The following IGDCC3 variants were observed in gnomAD, a reference collection of about 807,000 sequenced individuals.
IGDCC3 encodes the protein putative neuronal cell adhesion molecule.
IGDCC3 carries 47 observed loss-of-function variants against 72.0 expected under a neutral mutation model. The observed-to-expected ratio is 0.65, with a 90% CI of 0.52 to 0.83. The LOEUF (loss-of-function observed/expected upper bound fraction) is 0.83. Among genes scored for constraint, IGDCC3 ranks in the 40% least tolerant of loss-of-function variants. The pLI, the probability that IGDCC3 is intolerant of heterozygous loss-of-function variation, is 0.00. For missense variants in IGDCC3, 1,038 were observed against 1,091.3 expected, an observed-to-expected ratio of 0.95 and a Z score of 0.69; for synonymous variants, 477 against 472.8, an observed-to-expected ratio of 1.01 and a Z score of -0.11.
Position 65,329,417 on chromosome 15 carries a change from T to C in IGDCC3, c.2178A>G (p.Ala726=). 6.3e-7 allele frequency: 1 copy of C among 1,596,990 alleles called. No homozygotes were observed. Among genetic ancestry groups the C allele is most frequent in the East Asian group, 2.2e-5 (1 of 44,760 alleles). ...ELEQLFPPAS[A]AGQPDPRPTQ... is the part of the protein sequence containing the mutation. ...TGGGTCTGGGGTCCGGCTGCCCTGC[T>C]GCGCTGGCCGGGGGGAACAGCTGCT... The change falls in exon 13 of 14, where the codon GCA becomes GCG. Residue 726 remains alanine (A), a synonymous_variant. Transcript: ENST00000327987. This position sits in a 1 kb window ranked among gnomAD's most constrained non-coding sequence, Gnocchi z 4.1.
intron 2 of IGDCC3, among the ~76,000 whole-genome samples, chr15:65,374,549 T>C (rs574249890): frequency 5.4e-4 from 82 of 152,300 alleles, no homozygotes; most frequent in South Asian, 2.1e-3. Flanking sequence ...GATGTCATCA[T>C]TGAGATAATT....
intron 2 of IGDCC3, among the ~76,000 whole-genome samples, chr15:65,352,387 T>G (rs950618510): frequency 6.6e-6 from 1 of 152,248 alleles, no homozygotes; most frequent in Non-Finnish European, 1.5e-5. Context: ...TTGGAGAAAC[T>G]GATTATTTTA....
At chr15:65,373,191 C>A (rs1251744122) in intron 2 of IGDCC3, among the ~76,000 whole-genome samples, 1 of 152,200 alleles carries the variant, frequency 6.6e-6, no homozygotes, top group Non-Finnish European at 1.5e-5. Context: ...CAGCAGGGGC[C>A]ATCTATATCT....
chr15:65,359,400 C>A (rs1038751297), intron 2 of IGDCC3, among the ~76,000 whole-genome samples: 2 of 152,104 alleles, frequency 1.3e-5, no homozygotes, highest in African/African-American at 4.8e-5. Context: ...TAGCATGGAG[C>A]CTGGCCTGTG....
chr15:65,351,007 CTAAAGTGT>C (rs2091169241), intron 2 of IGDCC3, among the ~76,000 whole-genome samples: 1 of 151,818 alleles, frequency 6.6e-6, no homozygotes, highest in African/African-American at 2.4e-5. Flanking sequence ...TTTTTTCTGC[CTAAAGTGT>C]TAAAGGATTG....
intron 2 of IGDCC3, among the ~76,000 whole-genome samples, chr15:65,370,610 A>C: frequency 1.1e-5 from 1 of 91,582 alleles, no homozygotes; most frequent in Non-Finnish European, 2.1e-5. Context: ...ATGTGTATAT[A>C]TATGTATGTG....
intron 2 of IGDCC3, among the ~76,000 whole-genome samples, chr15:65,336,631 A>T (rs2091031577): frequency 6.6e-6 from 1 of 151,914 alleles, no homozygotes; most frequent in African/African-American, 2.4e-5. Flanking sequence ...AGACTGTCAG[A>T]CCTACCAATC....
intron 5 of IGDCC3, 141 bp from the exon 6 acceptor site, chr15:65,333,556 G>A: frequency 1.3e-6 from 1 of 752,224 alleles, no homozygotes; most frequent in Non-Finnish European, 2.1e-6. Context: ...TTCCCTCCTA[G>A]GCACCTTAAC....
At chr15:65,344,589 TC>T (rs1213699392) in intron 2 of IGDCC3, among the ~76,000 whole-genome samples, 2 of 152,114 alleles carry the variant, frequency 1.3e-5, no homozygotes, top group African/African-American at 4.8e-5. Context: ...TAGCTGTTGG[TC>T]CCCTGGCTGG....
intron 2 of IGDCC3, among the ~76,000 whole-genome samples, chr15:65,369,768 G>A (rs1476903425): frequency 6.6e-6 from 1 of 151,952 alleles, no homozygotes; most frequent in Non-Finnish European, 1.5e-5. Context: ...ACTGTGCCAG[G>A]AACTACCTCC....
intron 2 of IGDCC3, among the ~76,000 whole-genome samples, chr15:65,368,278 C>T (rs1237753144): frequency 6.6e-6 from 1 of 151,742 alleles, no homozygotes; most frequent in Non-Finnish European, 1.5e-5. Flanking sequence ...AGTCCTTTCT[C>T]CCTGGGGGTG....
intron 2 of IGDCC3, among the ~76,000 whole-genome samples, chr15:65,362,602 G>A (rs1401357038): frequency 6.6e-6 from 1 of 152,128 alleles, no homozygotes; most frequent in Non-Finnish European, 1.5e-5. Flanking sequence ...CTCCAGAAAT[G>A]CCTGGGCCTT....
In IGDCC3 at chr15:65,329,969, G is replaced by T. The variant is rs911904997; in HGVS notation, c.1859-105C>A. ...TTCCTTCAGCTGCTCCCACTCCCAA[G>T]TGGGAGTGGGAACATCCTTTGACTT... On this transcript the variant is annotated intron_variant, in intron 11 of 13. Transcript: ENST00000327987. The surrounding 1 kb of genome is among the most constrained non-coding windows in gnomAD (Gnocchi z 4.1). 14 of 1,206,078 alleles carry T rather than the reference G, an allele frequency of 1.2e-5. No homozygotes were observed. The highest frequency in any genetic ancestry group is 7.6e-5 in the African/African-American group (5 of 66,220). 74.7% of individuals were successfully genotyped at this position (1,206,078 alleles called of 1,614,324 possible).
At position 65,335,876 on chromosome 15, in the gene IGDCC3, C is replaced by T; in HGVS notation, c.490G>A (p.Gly164Arg). 1.2e-6 allele frequency: 2 copies of T among 1,614,206 alleles called. No individual in the cohort carries two copies. Among genetic ancestry groups the T allele is most frequent in the Non-Finnish European group, 1.7e-6 (2 of 1,180,024 alleles). The change falls in exon 3 of 14, where the codon GGG (glycine) becomes AGG (arginine). Residue 164 changes from glycine to arginine, a missense_variant. Physicochemically the swap from Gly to Arg is moderately radical, Grantham distance 125 (BLOSUM62 -2). Coordinates refer to ENST00000327987, the MANE Select transcript of IGDCC3 (RefSeq NM_004884.4). ...GVARFQCQIHGLPKPLITWEK... is the reference protein window; with the variant it reads ...GVARFQCQIHRLPKPLITWEK... Reference sequence around the variant, plus strand: ...CAAGTGATCAGGGGTTTGGGAAGCCCATGGATTTGGCACTGGAAGCGGGCC... The same window carrying T: ...CAAGTGATCAGGGGTTTGGGAAGCCTATGGATTTGGCACTGGAAGCGGGCC...
At chr15:65,335,696 C>T in intron 3 of IGDCC3, 116 bp downstream of exon 3, 1 of 1,222,440 alleles carries the variant, frequency 8.2e-7, no homozygotes, top group Non-Finnish European at 1.2e-6. Flanking sequence ...ACACCACTAT[C>T]TCAGGCACCT....
At chr15:65,348,634 G>C (rs967994136) in intron 2 of IGDCC3, among the ~76,000 whole-genome samples, 3 of 152,168 alleles carry the variant, frequency 2.0e-5, no homozygotes, top group Non-Finnish European at 2.9e-5. Context: ...GACAGAGTGG[G>C]TTAAAGGCCC....
chr15:65,358,194 C>G (rs1302149597), intron 2 of IGDCC3, among the ~76,000 whole-genome samples: 1 of 151,602 alleles, frequency 6.6e-6, no homozygotes, highest in Non-Finnish European at 1.5e-5. Flanking sequence ...CAGCCTCAAC[C>G]TCTCAGGCTC....
At chr15:65,330,996 C>T in intron 9 of IGDCC3, 54 bp downstream of exon 9, 2 of 1,590,182 alleles carry the variant, frequency 1.3e-6, no homozygotes, top group Non-Finnish European at 1.7e-6. Context: ...GGTGGTTCTG[C>T]TCTGATACCC....
At chr15:65,357,617 C>A (rs139897797) in intron 2 of IGDCC3, among the ~76,000 whole-genome samples, 1 of 152,366 alleles carries the variant, frequency 6.6e-6, no homozygotes, top group East Asian at 1.9e-4. Flanking sequence ...GACCAACTAA[C>A]TGTATTTAAC....
Sources: gnomAD v4.1 joint callset for allele counts (sites outside exome capture counted in the v4.1 genomes callset) on GRCh38, gnomAD v4.1.1 for gene constraint, Gnocchi (gnomAD v3.1) non-coding constraint, MANE v1.5 for transcripts, NCBI Gene and HGNC (gene_info 2026-07-23, HGNC 2026-07-21) for gene names.